Variants in ATP10B observed in about 807,000 individuals in gnomAD.
ATP10B encodes the protein phospholipid-transporting ATPase VB.
A neutral mutation model predicts 141.2 loss-of-function variants in ATP10B; 122 were observed. That is an observed-to-expected ratio of 0.86 (90% CI 0.75 to 1.00). The LOEUF (loss-of-function observed/expected upper bound fraction) is 1.00. Among genes scored for constraint, ATP10B ranks in the 50% least tolerant of loss-of-function variants. The probability of loss-of-function intolerance (pLI) is 0.00; values close to 1 mark genes in which losing one functional copy is unlikely to be tolerated. For missense variants in ATP10B, 1,876 were observed against 1,825.3 expected (o/e 1.03, Z -0.51); for synonymous variants, 685 against 692.0 (o/e 0.99, Z 0.16).
the ATP10B span, among the ~76,000 whole-genome samples, chr5:160,860,690 A>G: frequency 6.6e-6 from 1 of 151,998 alleles, no homozygotes; most frequent in Non-Finnish European, 1.5e-5. Flanking sequence ...ATTTTATGTG[A>G]TATTCAGTGC....
intron 3 of ATP10B, among the ~76,000 whole-genome samples, chr5:160,689,908 A>G (rs1451400417): frequency 6.6e-6 from 1 of 152,008 alleles, no homozygotes; most frequent in East Asian, 1.9e-4. Flanking sequence ...AGGCAATCCT[A>G]AGCAAAAAAA....
intron 18 of ATP10B, among the ~76,000 whole-genome samples, chr5:160,607,976 C>T (rs556215113): frequency 3.3e-5 from 5 of 152,256 alleles, no homozygotes; most frequent in African/African-American, 2.4e-5. Context: ...ATGTGCACAA[C>T]GTGCAGGTTT....
chr5:160,563,273 C>A lies in ATP10B; in HGVS notation c.*2180G>T, dbSNP rs921008840. On this transcript the variant is annotated 3_prime_UTR_variant, in exon 26 of 26. Transcript: ENST00000327245. ...GTTATAACTTTTCCCTGTAAGATGG[C>A]ACATTGGATGGTCACAGTTGGCTTG... is the stretch of plus-strand genomic sequence containing the variant. 3.3e-5 allele frequency: 5 copies of A among 152,056 alleles called. No homozygotes were observed. The highest frequency in any genetic ancestry group is 7.4e-5 in the Non-Finnish European group (5 of 68,020). The allele number at this position is 152,056 out of a possible 1,614,324, so 9.4% of individuals were successfully genotyped here.
At chr5:160,926,298 C>CAA in the ATP10B span, among the ~76,000 whole-genome samples, 8 of 152,338 alleles carry the variant, frequency 5.3e-5, no homozygotes, top group Non-Finnish European at 1.2e-4. Flanking sequence ...CGCCAGGATT[C>CAA]AAGCCCGGGT....
intron 24 of ATP10B, among the ~76,000 whole-genome samples, chr5:160,575,206 T>C (rs190896567): frequency 4.5e-4 from 69 of 152,312 alleles, no homozygotes; most frequent in African/African-American, 1.6e-3. Context: ...TAATTTAACA[T>C]AGCTAAAATT....
At chr5:160,601,543 C>G (rs186967166) in intron 21 of ATP10B, among the ~76,000 whole-genome samples, 2 of 152,122 alleles carry the variant, frequency 1.3e-5, no homozygotes, top group African/African-American at 2.4e-5. Context: ...GTCTTCTGAC[C>G]GTTTTAATAC....
Position 160,620,413 on chromosome 5 carries a change from C to T in ATP10B, c.2350G>A (p.Glu784Lys), listed in dbSNP as rs1270941471. ...SVVVRHPLTG[E>K]IVVYTKGADS... ...GCACCCTTGGTGTAGACAACAATCT[C>T]GCCAGTCAGTGGGTGCCTCACAACC... The change falls in exon 15 of 26, where the codon GAG becomes AAG. Residue 784 changes from glutamate (E) to lysine (K), a missense_variant. By Grantham distance (56) the Glu-to-Lys change is moderately conservative (BLOSUM62 1). Coordinates refer to ENST00000327245, the MANE Select transcript of ATP10B (RefSeq NM_025153.3). 1.4e-5 allele frequency: 23 copies of T among 1,614,070 alleles called. No individual in the cohort carries two copies. Among genetic ancestry groups the T allele is most frequent in the Non-Finnish European group, 1.8e-5 (21 of 1,180,024 alleles).
intron 7 of ATP10B, among the ~76,000 whole-genome samples, chr5:160,657,812 C>T (rs1051298837): frequency 6.6e-6 from 1 of 152,142 alleles, no homozygotes; most frequent in East Asian, 1.9e-4. Flanking sequence ...CTTCTGGGTC[C>T]CCAGAGCATG....
At chr5:160,744,501 G>A (rs1767677090) in intron 2 of ATP10B, among the ~76,000 whole-genome samples, 1 of 152,124 alleles carries the variant, frequency 6.6e-6, no homozygotes, top group African/African-American at 2.4e-5. Context: ...CAGGCAGCGG[G>A]CCCCAGATTC....
At chr5:160,730,838 A>G (rs775951727) in intron 2 of ATP10B, among the ~76,000 whole-genome samples, 19 of 152,136 alleles carry the variant, frequency 1.2e-4, no homozygotes, top group Admixed American at 3.3e-4. Context: ...AGATAAGACA[A>G]TTGAATTCTC....
chr5:160,582,909 C>T (rs1238533786), intron 24 of ATP10B, among the ~76,000 whole-genome samples: 1 of 152,174 alleles, frequency 6.6e-6, no homozygotes, highest in African/African-American at 2.4e-5. Flanking sequence ...AGTTCCCATA[C>T]TGTGTTTGTC....
At chr5:160,668,088 T>G (rs1762431153) in intron 7 of ATP10B, among the ~76,000 whole-genome samples, 1 of 151,908 alleles carries the variant, frequency 6.6e-6, no homozygotes, top group South Asian at 2.1e-4. Context: ...AAAAATTAGC[T>G]GGGTGTGGTA....
chr5:160,788,694 TTTC>T lies in ATP10B; in HGVS notation c.-575-2894_-575-2892del, dbSNP rs532753082. Among the ~76,000 whole-genome samples the T allele has an allele frequency of 2.3e-3, 351 of 152,244 alleles. 1 individual carries two copies. The highest frequency in any genetic ancestry group is 4.0e-3 in the Non-Finnish European group (274 of 68,004). On this transcript the variant is annotated intron_variant, in intron 1 of 25. Transcript: ENST00000327245. ...GGGGATTGGTCTTGGTTTTCTAATT[TTTC>T]TTCTCCTTTATCACCATCCAACCAC...
intron 3 of ATP10B, among the ~76,000 whole-genome samples, chr5:160,707,096 G>A (rs569883952): frequency 3.9e-5 from 6 of 151,912 alleles, no homozygotes; most frequent in Non-Finnish European, 5.9e-5. Context: ...GATTACAGGC[G>A]CCTGCCACCA....
At chr5:160,740,264 AC>A (rs1297766716) in intron 2 of ATP10B, among the ~76,000 whole-genome samples, 1 of 152,220 alleles carries the variant, frequency 6.6e-6, no homozygotes, top group African/African-American at 2.4e-5. Context: ...ATTAATTTTG[AC>A]CAACAATAAT....
At chr5:160,698,176 T>G (rs1764477748) in intron 3 of ATP10B, among the ~76,000 whole-genome samples, 1 of 152,154 alleles carries the variant, frequency 6.6e-6, no homozygotes, top group Admixed American at 6.6e-5. Flanking sequence ...ACTCTTGGAT[T>G]CTCTCCAAAA....
chr5:160,704,914 CTTTTTTTTT>C (rs1170629163), intron 3 of ATP10B, among the ~76,000 whole-genome samples: 2 of 83,640 alleles, frequency 2.4e-5, no homozygotes, highest in East Asian at 3.8e-4. Flanking sequence ...TTTCTTTCAT[CTTTTTTTTT>C]TTTTTTTTTT....
At chr5:160,903,387 G>A in the ATP10B span, among the ~76,000 whole-genome samples, 1 of 152,104 alleles carries the variant, frequency 6.6e-6, no homozygotes, top group South Asian at 2.1e-4. Context: ...ACAGAAAGAG[G>A]CACTTCCAGC....
At chr5:160,774,595 C>G (rs1033627791) in intron 2 of ATP10B, among the ~76,000 whole-genome samples, 1 of 152,136 alleles carries the variant, frequency 6.6e-6, no homozygotes, top group Non-Finnish European at 1.5e-5. Flanking sequence ...TGGGACCATT[C>G]TTTATATTTT....
Sources: allele counts gnomAD v4.1 joint callset (sites outside exome capture counted in the v4.1 genomes callset), GRCh38; gene constraint gnomAD v4.1.1; transcripts MANE v1.5; gene names NCBI Gene and HGNC (gene_info 2026-07-23, HGNC 2026-07-21).